DLGAP2: variants seen among roughly 807,000 people sequenced by gnomAD.
The protein encoded by DLGAP2 is DLG associated protein 2, also known as disks large-associated protein 2.
In DLGAP2, 26 loss-of-function variants were observed where a neutral mutation model predicts 100.3. The ratio of observed to expected loss-of-function variants is 0.26; its 90% confidence interval spans 0.19 to 0.36. The LOEUF is 0.36. Among genes scored for constraint, DLGAP2 ranks in the 10% least tolerant of loss-of-function variants. DLGAP2 has a pLI of 1.00. For synonymous variants in DLGAP2, 886 were observed against 630.1 expected, an observed-to-expected ratio of 1.41 and a Z score of -6.08; for missense variants, 1,858 against 1,453.2, an observed-to-expected ratio of 1.28 and a Z score of -4.53.
Position 1,113,860 on chromosome 8 carries a change from A to T in DLGAP2, c.74-144991A>T, listed in dbSNP as rs192459438. On this transcript the variant is annotated intron_variant, in intron 2 of 14. Transcript: ENST00000637795. ...GTCATAGATGGCTCTTAATATTTTG[A>T]GGTATGTTCCTTCAATACCTAGTAT... 4.6e-5 allele frequency among the ~76,000 whole-genome samples: 7 copies of T among 152,166 alleles called. No individual in the cohort carries two copies. In the East Asian group the frequency reaches 1.3e-3, roughly 29 times the overall value.
intron 3 of DLGAP2, among the ~76,000 whole-genome samples, chr8:1,411,801 C>T (rs1010805695): frequency 6.6e-6 from 1 of 152,220 alleles, no homozygotes; most frequent in Non-Finnish European, 1.5e-5. Context: ...CGCATGAAGT[C>T]TCTCTCACTA....
At chr8:1,342,248 G>C (rs1182151052) in intron 3 of DLGAP2, among the ~76,000 whole-genome samples, 1 of 152,120 alleles carries the variant, frequency 6.6e-6, no homozygotes, top group African/African-American at 2.4e-5. Flanking sequence ...CACCTGGCCA[G>C]GTTGTGAGGT....
chr8:1,389,013 GGCC>G (rs1796284308), intron 3 of DLGAP2, among the ~76,000 whole-genome samples: 1 of 147,114 alleles, frequency 6.8e-6, no homozygotes, highest in African/African-American at 2.5e-5. Context: ...TGAGAGCAGA[GGCC>G]GTGGATGAGG....
At chr8:1,038,620 G>A (rs953689601) in intron 2 of DLGAP2, among the ~76,000 whole-genome samples, 2 of 152,172 alleles carry the variant, frequency 1.3e-5, no homozygotes, top group African/African-American at 4.8e-5. Flanking sequence ...TAAATTGAAA[G>A]CCCTCTTTTG....
chr8:1,667,850 T>A (rs531519655), intron 8 of DLGAP2, among the ~76,000 whole-genome samples: 2 of 152,308 alleles, frequency 1.3e-5, no homozygotes, highest in South Asian at 4.1e-4. Flanking sequence ...ACACCTTGCC[T>A]AGCTGTGTCT....
chr8:1,467,034 G>A (rs1798645688), intron 3 of DLGAP2, among the ~76,000 whole-genome samples: 1 of 152,166 alleles, frequency 6.6e-6, no homozygotes, highest in Non-Finnish European at 1.5e-5. Flanking sequence ...GTGGGCAGAT[G>A]GGATTTTGCC....
chr8:1,426,998 C>G (rs1195616671), intron 3 of DLGAP2, among the ~76,000 whole-genome samples: 3 of 152,010 alleles, frequency 2.0e-5, no homozygotes, highest in Admixed American at 6.6e-5. Context: ...ACTATGAGTG[C>G]TTATTTGAAT....
chr8:841,124 A>G lies in DLGAP2; in HGVS notation c.19-66788A>G, dbSNP rs1030185198. 5.9e-5 allele frequency among the ~76,000 whole-genome samples: 9 copies of G among 152,344 alleles called. No homozygotes were observed. The Middle Eastern group carries it at 0.01, about 173-fold the overall frequency. Reference sequence around the variant, plus strand: ...AAAACAACAGCCCTTCATCTATTTCATTATGAAATGGAGCAGTTCATATGG... The same window carrying G: ...AAAACAACAGCCCTTCATCTATTTCGTTATGAAATGGAGCAGTTCATATGG... On this transcript the variant is annotated intron_variant, in intron 1 of 14. Coordinates refer to ENST00000637795, the MANE Select transcript of DLGAP2 (RefSeq NM_001346810.2).
Position 1,702,385 on chromosome 8 carries a change from C to G in DLGAP2, c.*979C>G, listed in dbSNP as rs953569179. 6.6e-6 allele frequency: 1 copy of G among 151,300 alleles called. No homozygotes were observed. The highest frequency in any genetic ancestry group is 2.4e-5 in the African/African-American group (1 of 41,024). 9.4% of individuals were successfully genotyped at this position (151,300 alleles called of 1,614,324 possible). On this transcript the variant is annotated 3_prime_UTR_variant, in exon 15 of 15. Coordinates refer to ENST00000637795, the MANE Select transcript of DLGAP2 (RefSeq NM_001346810.2). Reference sequence around the variant, plus strand: ...CTTAAAAAAAAACACACACGAAAAACAAAAGTTTGCTTGTTTAAAATGACA... The same window carrying G: ...CTTAAAAAAAAACACACACGAAAAAGAAAAGTTTGCTTGTTTAAAATGACA...
Position 1,702,888 on chromosome 8 carries a change from C to A in DLGAP2, c.*1482C>A, listed in dbSNP as rs1305548718. ...TCCACCCCAATACCTGGTCTTCCTT[C>A]CCGGCTTAAGGAGTACCATGTACTT... is the stretch of plus-strand genomic sequence containing the variant. On this transcript the variant is annotated 3_prime_UTR_variant, in exon 15 of 15. Transcript: ENST00000637795. 1 of 152,660 alleles carries A rather than the reference C, an allele frequency of 6.6e-6. No individual in the cohort carries two copies. The highest frequency in any genetic ancestry group is 2.4e-5 in the African/African-American group (1 of 41,456). 9.5% of individuals were successfully genotyped at this position (152,660 alleles called of 1,614,324 possible).
intron 2 of DLGAP2, among the ~76,000 whole-genome samples, chr8:1,240,720 T>G (rs1225918518): frequency 1.2e-4 from 17 of 147,498 alleles, no homozygotes; most frequent in African/African-American, 4.3e-4. Context: ...CGTGTCTAGT[T>G]CTCTCACATG....
intron 6 of DLGAP2, among the ~76,000 whole-genome samples, chr8:1,588,204 G>A (rs1440250580): frequency 6.6e-6 from 1 of 152,126 alleles, no homozygotes; most frequent in Non-Finnish European, 1.5e-5. Context: ...TGTATTTTTA[G>A]CTGAAAAAAT....
chr8:1,356,994 C>T (rs1563103013), intron 3 of DLGAP2, among the ~76,000 whole-genome samples: 1 of 152,200 alleles, frequency 6.6e-6, no homozygotes, highest in African/African-American at 2.4e-5. Flanking sequence ...CTGGAACACA[C>T]AGCGGGGTAG....
intron 1 of DLGAP2, among the ~76,000 whole-genome samples, chr8:901,720 C>G (rs1442040095): frequency 6.6e-6 from 1 of 152,240 alleles, no homozygotes; most frequent in Non-Finnish European, 1.5e-5. Context: ...GCCTCGATGG[C>G]AGCACGGGGC....
chr8:852,403 A>G (rs1437715901), intron 1 of DLGAP2, among the ~76,000 whole-genome samples: 1 of 152,240 alleles, frequency 6.6e-6, no homozygotes, highest in Non-Finnish European at 1.5e-5. Flanking sequence ...GATGGAAGAA[A>G]GAACACTAAT....
At chr8:1,342,911 A>G (rs1017278774) in intron 3 of DLGAP2, among the ~76,000 whole-genome samples, 1 of 152,026 alleles carries the variant, frequency 6.6e-6, no homozygotes, top group African/African-American at 2.4e-5. Context: ...TTGCCGTGAG[A>G]CCAGGTGCCA....
At chr8:925,160 TC>T (rs139475344) in intron 2 of DLGAP2, among the ~76,000 whole-genome samples, 1,810 of 152,148 alleles carry the variant, frequency 0.012, 44 homozygotes, top group African/African-American at 0.041. Flanking sequence ...AGAGAAGAAA[TC>T]TTATTTTGTC....
intron 1 of DLGAP2, among the ~76,000 whole-genome samples, chr8:766,455 G>A (rs1485616997): frequency 6.6e-6 from 1 of 152,166 alleles, no homozygotes; most frequent in African/African-American, 2.4e-5. Context: ...AATGTCCTCC[G>A]GAATTGAACT....
At chr8:1,438,912 A>G (rs1797739401) in intron 3 of DLGAP2, among the ~76,000 whole-genome samples, 1 of 152,222 alleles carries the variant, frequency 6.6e-6, no homozygotes, top group African/African-American at 2.4e-5. Context: ...TTTACTAGAA[A>G]AAAGCACGTT....
Sources: allele counts gnomAD v4.1 joint callset (sites outside exome capture counted in the v4.1 genomes callset), GRCh38; gene constraint gnomAD v4.1.1; transcripts MANE v1.5; gene names NCBI Gene and HGNC (gene_info 2026-07-23, HGNC 2026-07-21).